The following ABCC4 variants were observed in gnomAD, a reference collection of about 807,000 sequenced individuals.
ABCC4 encodes the protein ATP-binding cassette sub-family C member 4.
ABCC4 carries 102 observed loss-of-function variants against 168.5 expected under a neutral mutation model. The ratio of observed to expected loss-of-function variants is 0.61; its 90% CI spans 0.52 to 0.71. The LOEUF (loss-of-function observed/expected upper bound fraction) is 0.71, where lower values mean the gene tolerates loss of function less well. ABCC4 is among the 30% of genes least tolerant of loss of function. The probability of loss-of-function intolerance (pLI) is 0.00; values close to 1 mark genes in which losing one functional copy is unlikely to be tolerated. For missense variants in ABCC4, 1,402 were observed against 1,605.8 expected (o/e 0.87, Z 2.17); for synonymous variants, 617 against 590.7 (o/e 1.04, Z -0.65).
intron 29 of ABCC4, among the ~76,000 whole-genome samples, chr13:95,043,010 T>C (rs1198840911): frequency 6.6e-6 from 1 of 152,204 alleles, no homozygotes; most frequent in East Asian, 1.9e-4. Context: ...CCTCAAGTAA[T>C]CTGCCTGCCT....
At chr13:95,088,133 A>G (rs2139343909) in intron 20 of ABCC4, among the ~76,000 whole-genome samples, 1 of 152,298 alleles carries the variant, frequency 6.6e-6, no homozygotes, top group East Asian at 1.9e-4. Context: ...AAGGCATTAG[A>G]GCAATGTGGT....
chr13:95,071,750 A>G lies in ABCC4; in HGVS notation c.3122T>C (p.Ile1041Thr), dbSNP rs1322905407. 3 of 1,607,208 alleles carry G rather than the reference A, an allele frequency of 1.9e-6. No homozygotes were observed. Among genetic ancestry groups the G allele is most frequent in the East Asian group, 2.3e-5 (1 of 44,436 alleles). ...CATGAAGTTCACATTGTCAAAGATTATCACTCCTTCATGGGGCCAGGCTGG... is the reference window on the plus strand; with the variant it reads ...CATGAAGTTCACATTGTCAAAGATTGTCACTCCTTCATGGGGCCAGGCTGG... ...PPPAWPHEGV[I>T]IFDNVNFMYS... The change falls in exon 25 of 31, where the codon ATA becomes ACA. Residue 1041 changes from isoleucine to threonine, a missense_variant. Ile to Thr is a moderately conservative substitution (Grantham distance 89). Coordinates refer to ENST00000645237, the MANE Select transcript of ABCC4 (RefSeq NM_005845.5).
chr13:95,196,681 GA>G (rs1566515956), intron 8 of ABCC4, among the ~76,000 whole-genome samples: 3 of 50,200 alleles, frequency 6.0e-5, no homozygotes, highest in Non-Finnish European at 9.0e-5. Flanking sequence ...AGGAAGGAAG[GA>G]AGGAAGGAAG....
At chr13:95,151,802 T>C (rs2036697820) in intron 19 of ABCC4, among the ~76,000 whole-genome samples, 1 of 152,208 alleles carries the variant, frequency 6.6e-6, no homozygotes, top group African/African-American at 2.4e-5. Flanking sequence ...AGCCACTTTT[T>C]ACCTGTTAGA....
At chr13:95,116,838 C>T (rs573254039) in intron 19 of ABCC4, among the ~76,000 whole-genome samples, 65 of 152,146 alleles carry the variant, frequency 4.3e-4, no homozygotes, top group Non-Finnish European at 7.3e-4. Context: ...CAGGTGACCC[C>T]TGAGAAGTGT....
At chr13:95,173,335 T>C (rs2037544206) in intron 13 of ABCC4, among the ~76,000 whole-genome samples, 1 of 152,180 alleles carries the variant, frequency 6.6e-6, no homozygotes, top group African/African-American at 2.4e-5. Flanking sequence ...GTGCGGGGGC[T>C]GGAGGGAAGA....
At chr13:95,026,725 T>A (rs549650242) in intron 30 of ABCC4, among the ~76,000 whole-genome samples, 1 of 151,792 alleles carries the variant, frequency 6.6e-6, no homozygotes, top group Non-Finnish European at 1.5e-5. Flanking sequence ...CTTGTCTCTA[T>A]GGGGGGAAAA....
chr13:95,298,707 G>A (rs535990464), intron 1 of ABCC4, among the ~76,000 whole-genome samples: 2 of 152,300 alleles, frequency 1.3e-5, no homozygotes, highest in East Asian at 3.9e-4. Flanking sequence ...CACCTGAACT[G>A]GAAGCAGCTC....
chr13:95,267,997 T>C (rs1456008289), intron 1 of ABCC4, among the ~76,000 whole-genome samples: 2 of 152,132 alleles, frequency 1.3e-5, no homozygotes, highest in Admixed American at 1.3e-4. Flanking sequence ...CTGGCAATAC[T>C]CTGGGCATTG....
At chr13:95,257,605 G>A (rs192860612) in intron 1 of ABCC4, among the ~76,000 whole-genome samples, 24 of 151,544 alleles carry the variant, frequency 1.6e-4, no homozygotes, top group Non-Finnish European at 2.6e-4. Flanking sequence ...AGAGGTTGCA[G>A]TGAGCCAAGA....
intron 20 of ABCC4, among the ~76,000 whole-genome samples, chr13:95,108,655 T>TTA (rs2035093703): frequency 6.6e-6 from 1 of 151,026 alleles, no homozygotes; most frequent in Non-Finnish European, 1.5e-5. Flanking sequence ...TTTTTTTTTT[T>TTA]ATTTTATTTT....
chr13:95,233,378 CTAAGCGAAT>C (rs1204199039), intron 4 of ABCC4, among the ~76,000 whole-genome samples: 1 of 149,974 alleles, frequency 6.7e-6, no homozygotes, highest in Non-Finnish European at 1.5e-5. Flanking sequence ...GACCATTATC[CTAAGCGAAT>C]TAACGCAGGA....
At chr13:95,101,522 G>A (rs1053235479) in intron 20 of ABCC4, among the ~76,000 whole-genome samples, 1 of 152,104 alleles carries the variant, frequency 6.6e-6, no homozygotes, top group Admixed American at 6.5e-5. Context: ...TCCAACCTCT[G>A]CATCTTATCT....
At chr13:95,109,973 G>C (rs1285288826) in intron 20 of ABCC4, among the ~76,000 whole-genome samples, 1 of 151,714 alleles carries the variant, frequency 6.6e-6, no homozygotes, top group African/African-American at 2.4e-5. Context: ...TCAATAAAAA[G>C]CTGGTGGGAA....
At chr13:95,032,110 A>G (rs923058189) in intron 30 of ABCC4, among the ~76,000 whole-genome samples, 4 of 152,238 alleles carry the variant, frequency 2.6e-5, no homozygotes, top group Non-Finnish European at 5.9e-5. Context: ...TTTCAAGTAT[A>G]AAAGAAATAC....
intron 19 of ABCC4, among the ~76,000 whole-genome samples, chr13:95,137,802 G>C (rs533937765): frequency 1.3e-5 from 2 of 152,210 alleles, no homozygotes; most frequent in Admixed American, 6.5e-5. Flanking sequence ...TGTTGCAAAG[G>C]GTTCACAAGA....
chr13:95,251,881 T>C (rs1401066289), intron 1 of ABCC4, among the ~76,000 whole-genome samples: 1 of 152,188 alleles, frequency 6.6e-6, no homozygotes, highest in Non-Finnish European at 1.5e-5. Flanking sequence ...CTGAAAAGAT[T>C]AAATGGGAAA....
intron 19 of ABCC4, among the ~76,000 whole-genome samples, chr13:95,154,574 G>A (rs896164154): frequency 5.9e-5 from 9 of 152,166 alleles, no homozygotes; most frequent in African/African-American, 1.2e-4. Flanking sequence ...TACTGGTGAC[G>A]AATGATGACA....
chr13:95,104,410 G>A (rs535776274), intron 20 of ABCC4, among the ~76,000 whole-genome samples: 23 of 152,224 alleles, frequency 1.5e-4, no homozygotes, highest in Admixed American at 1.2e-3. Flanking sequence ...AAACATGTCC[G>A]GGTCTGATGT....
Sources: allele counts gnomAD v4.1 joint callset (sites outside exome capture counted in the v4.1 genomes callset), GRCh38; gene constraint gnomAD v4.1.1; transcripts MANE v1.5; gene names NCBI Gene and HGNC (gene_info 2026-07-23, HGNC 2026-07-21).